LINGO2: variants seen among roughly 807,000 people sequenced by gnomAD.
LINGO2 encodes the protein leucine-rich repeat and immunoglobulin-like domain-containing nogo receptor-interacting protein 2.
In LINGO2, 14 loss-of-function variants were observed where a neutral mutation model predicts 30.6. The observed-to-expected ratio is 0.46, with a 90% CI of 0.30 to 0.72. The LOEUF is 0.72. Ranked by LOEUF, LINGO2 falls within the 30% of genes least tolerant of loss-of-function variation. LINGO2 has a pLI of 0.07. For synonymous variants in LINGO2, 317 were observed against 288.5 expected (o/e 1.10, Z -1.00); for missense variants, 729 against 751.7 (o/e 0.97, Z 0.35).
intron 1 of LINGO2, among the ~76,000 whole-genome samples, chr9:28,525,051 A>C (rs1820965161): frequency 6.6e-6 from 1 of 152,218 alleles, no homozygotes; most frequent in African/African-American, 2.4e-5. Context: ...AGCTAAAGAT[A>C]CAAATAGGTA....
chr9:28,797,904 CTG>C, the LINGO2 span, among the ~76,000 whole-genome samples: 1 of 151,942 alleles, frequency 6.6e-6, no homozygotes, highest in African/African-American at 2.4e-5. Context: ...GGAGAGGAAA[CTG>C]GAAGCAGCAG....
intron 4 of LINGO2, among the ~76,000 whole-genome samples, chr9:28,234,570 C>T (rs920160734): frequency 6.6e-6 from 1 of 152,190 alleles, no homozygotes; most frequent in African/African-American, 2.4e-5. Context: ...ATAAAGCAGG[C>T]AGAAGAAAAT....
the LINGO2 span, among the ~76,000 whole-genome samples, chr9:28,883,430 T>C: frequency 2.0e-5 from 3 of 151,590 alleles, no homozygotes; most frequent in Non-Finnish European, 2.9e-5. Context: ...CTCATCTTTC[T>C]ACCACACTCA....
intron 3 of LINGO2, among the ~76,000 whole-genome samples, chr9:28,303,747 G>A (rs772318735): frequency 1.3e-5 from 2 of 151,916 alleles, no homozygotes; most frequent in Non-Finnish European, 2.9e-5. Context: ...TATCATAAAG[G>A]TCTTCATCTT....
intron 2 of LINGO2, among the ~76,000 whole-genome samples, chr9:28,395,241 G>A (rs758389567): frequency 6.6e-6 from 1 of 152,012 alleles, no homozygotes; most frequent in Non-Finnish European, 1.5e-5. Context: ...AATAAAATAG[G>A]TAAACTATGT....
intron 5 of LINGO2, among the ~76,000 whole-genome samples, chr9:27,955,736 T>C (rs1220700362): frequency 6.6e-6 from 1 of 152,092 alleles, no homozygotes; most frequent in African/African-American, 2.4e-5. Context: ...TGAATATTAA[T>C]ATAAACATCT....
At chr9:28,158,612 G>A (rs1466232857) in intron 4 of LINGO2, among the ~76,000 whole-genome samples, 1 of 152,152 alleles carries the variant, frequency 6.6e-6, no homozygotes, top group African/African-American at 2.4e-5. Flanking sequence ...ACATCTAATA[G>A]ACAAGGATGT....
chr9:28,080,167 T>A (rs1020327347), intron 4 of LINGO2, among the ~76,000 whole-genome samples: 8 of 152,246 alleles, frequency 5.3e-5, no homozygotes, highest in African/African-American at 1.9e-4. Flanking sequence ...ATGTTCCAAA[T>A]AGTAGCCAAA....
At chr9:29,064,045 A>T in the LINGO2 span, among the ~76,000 whole-genome samples, 1 of 152,168 alleles carries the variant, frequency 6.6e-6, no homozygotes, top group Admixed American at 6.6e-5. Context: ...TGTGAAAGTT[A>T]GCCAATTTTT....
intron 3 of LINGO2, among the ~76,000 whole-genome samples, chr9:28,333,162 G>C (rs1394365033): frequency 1.3e-5 from 2 of 152,262 alleles, no homozygotes; most frequent in Non-Finnish European, 2.9e-5. Context: ...ACAAAAAGAA[G>C]AACAATTAAG....
the LINGO2 span, among the ~76,000 whole-genome samples, chr9:28,686,054 A>G: frequency 6.6e-6 from 1 of 151,868 alleles, no homozygotes; most frequent in Non-Finnish European, 1.5e-5. Context: ...AGCAGTATAC[A>G]TTGGATAGTT....
At chr9:28,583,798 C>A (rs556547061) in intron 1 of LINGO2, among the ~76,000 whole-genome samples, 51 of 152,078 alleles carry the variant, frequency 3.4e-4, no homozygotes, top group Middle Eastern at 3.4e-3. Flanking sequence ...TGAAAACATC[C>A]CCCAAAGTTC....
chr9:28,110,351 A>C (rs1007684290), intron 4 of LINGO2, among the ~76,000 whole-genome samples: 6 of 152,224 alleles, frequency 3.9e-5, no homozygotes, highest in Non-Finnish European at 7.3e-5. Context: ...TTTCATGACT[A>C]AAACACCAAA....
exon 6 of LINGO2, chr9:27,950,584 C>G: frequency 6.5e-7 from 1 of 1,528,778 alleles, no homozygotes; most frequent in Non-Finnish European, 8.8e-7. Flanking sequence ...TCACAGCGAG[C>G]GGGGCAGCCA....
At chr9:28,663,571 A>G (rs1588043277) in intron 1 of LINGO2, among the ~76,000 whole-genome samples, 2 of 152,184 alleles carry the variant, frequency 1.3e-5, no homozygotes. Context: ...CCATGAGCAA[A>G]ATACTGGGAA....
In LINGO2 at chr9:28,642,887, C is replaced by T. The variant is rs534815012; in HGVS notation, c.-365+27313G>A. On this transcript the variant is annotated intron_variant, in intron 1 of 5. Coordinates refer to ENST00000379992, the Ensembl canonical transcript of LINGO2. The stretch of plus-strand genomic sequence containing the variant: ...TTGTTTCTTGACGTGTTTTCCCTAA[C>T]ATAAATTACTGAAGGTCATACCCAC... Among the ~76,000 whole-genome samples the T allele has an allele frequency of 2.6e-5, 4 of 152,104 alleles. No homozygotes were observed. The South Asian group carries it at 8.3e-4, about 32-fold the overall frequency.
chr9:28,547,102 G>A (rs561702456), intron 1 of LINGO2, among the ~76,000 whole-genome samples: 1 of 152,036 alleles, frequency 6.6e-6, no homozygotes, highest in Admixed American at 6.6e-5. Flanking sequence ...CACTAAACAT[G>A]TCTCCATTTG....
At chr9:28,998,920 G>A in the LINGO2 span, among the ~76,000 whole-genome samples, 6 of 152,142 alleles carry the variant, frequency 3.9e-5, no homozygotes, top group Non-Finnish European at 5.9e-5. Context: ...TTCCGCTTCC[G>A]TAATTTTAGA....
At chr9:28,222,058 A>T (rs537736739) in intron 4 of LINGO2, among the ~76,000 whole-genome samples, 1 of 152,330 alleles carries the variant, frequency 6.6e-6, no homozygotes, top group East Asian at 1.9e-4. Flanking sequence ...CAAAAGGAAA[A>T]ATCCAGAAGC....
Sources: allele counts gnomAD v4.1 joint callset (sites outside exome capture counted in the v4.1 genomes callset), GRCh38; gene constraint gnomAD v4.1.1; transcripts MANE v1.5; gene names NCBI Gene and HGNC (gene_info 2026-07-23, HGNC 2026-07-21).